ACO2: variants seen among roughly 807,000 people sequenced by gnomAD.
ACO2 encodes the protein aconitase 2, also known as aconitate hydratase, mitochondrial.
ACO2 carries 31 observed loss-of-function variants against 84.5 expected under a neutral mutation model. That is an observed-to-expected ratio of 0.37 (90% CI 0.28 to 0.50). The LOEUF is 0.50. Among genes scored for constraint, ACO2 ranks in the 20% least tolerant of loss-of-function variants. The pLI is 0.97. For missense variants in ACO2, 685 were observed against 1,029.3 expected, an observed-to-expected ratio of 0.67 and a Z score of 4.58; for synonymous variants, 414 against 412.7, an observed-to-expected ratio of 1.00 and a Z score of -0.04.
At chr22:41,494,027 C>T (rs890674918) in intron 1 of ACO2, among the ~76,000 whole-genome samples, 1 of 152,204 alleles carries the variant, frequency 6.6e-6, no homozygotes, top group Non-Finnish European at 1.5e-5. Flanking sequence ...CCAGACAGCA[C>T]AGATCTAGAA....
chr22:41,490,956 C>A (rs2066267523), intron 1 of ACO2, among the ~76,000 whole-genome samples: 2 of 151,712 alleles, frequency 1.3e-5, no homozygotes, highest in African/African-American at 4.8e-5. Flanking sequence ...AGCTTACAGA[C>A]TAAAATATTT....
intron 2 of ACO2, among the ~76,000 whole-genome samples, chr22:41,504,578 C>T (rs12166976): frequency 1.1e-3 from 171 of 152,278 alleles, no homozygotes; most frequent in African/African-American, 4.0e-3. Flanking sequence ...TGAGTCATTG[C>T]CCGTACACCA....
chr22:41,475,560 G>T (rs780056891), intron 1 of ACO2, among the ~76,000 whole-genome samples: 1 of 152,088 alleles, frequency 6.6e-6, no homozygotes, highest in Non-Finnish European at 1.5e-5. Flanking sequence ...TCAGCATGAA[G>T]GAAGGAAGGT....
At chr22:41,528,132 A>C in intron 17 of ACO2, 110 bp downstream of exon 17, 1 of 1,503,376 alleles carries the variant, frequency 6.7e-7, no homozygotes, top group Non-Finnish European at 9.0e-7. Flanking sequence ...TTCCAGCTGG[A>C]AAGGCCCCCA....
intron 12 of ACO2, 129 bp from the exon 13 acceptor site, chr22:41,524,717 C>A: frequency 1.4e-6 from 2 of 1,441,248 alleles, no homozygotes; most frequent in South Asian, 2.5e-5. Flanking sequence ...CTCTGAGGAA[C>A]ACAGGGGTCT....
At chr22:41,523,627 G>A (rs532871741) in intron 11 of ACO2, among the ~76,000 whole-genome samples, 4 of 152,306 alleles carry the variant, frequency 2.6e-5, no homozygotes, top group African/African-American at 9.6e-5. Flanking sequence ...CTTACGTGTG[G>A]TTGCAGGCTG....
Position 41,500,676 on chromosome 22 carries a change from C to T in ACO2, c.173+814C>T, listed in dbSNP as rs572566925. Among the ~76,000 whole-genome samples the T allele has an allele frequency of 6.6e-5, 10 of 151,812 alleles. No homozygotes were observed. The East Asian group carries it at 1.2e-3, about 18-fold the overall frequency. On this transcript the variant is annotated intron_variant, in intron 2 of 17. Coordinates refer to ENST00000216254, the MANE Select transcript of ACO2 (RefSeq NM_001098.3). ...CTGGGATTATAGACGTAAGCCACTG[C>T]GCCTGGCCTATTTTATTTTATGATT...
rs530987596 is a variant in ACO2, at chr22:41,489,238, C to T, written c.37-10488C>T. Among the ~76,000 whole-genome samples the T allele has an allele frequency of 5.3e-5, 8 of 152,224 alleles. No individual in the cohort carries two copies. The East Asian group carries it at 1.5e-3, about 29-fold the overall frequency. On this transcript the variant is annotated intron_variant, in intron 1 of 17. Transcript: ENST00000216254. ...TGTTTATCCTTTGTGGAGACAGGGT[C>T]TCACTGTGTTGTCCAGGCTGGTCTC...
At chr22:41,478,978 G>A (rs975240244) in intron 1 of ACO2, among the ~76,000 whole-genome samples, 1 of 152,048 alleles carries the variant, frequency 6.6e-6, no homozygotes, top group Non-Finnish European at 1.5e-5. Flanking sequence ...TTGTAGCCGG[G>A]CTCCTTGACC....
chr22:41,512,032 G>C (rs774080081), intron 4 of ACO2, 64 bp downstream of exon 4: 8 of 1,362,926 alleles, frequency 5.9e-6, no homozygotes, highest in Non-Finnish European at 8.0e-6. Flanking sequence ...CCAGGCCTAT[G>C]GGGGGAGGGG....
intron 3 of ACO2, among the ~76,000 whole-genome samples, chr22:41,510,438 C>T (rs1447774545): frequency 6.6e-6 from 1 of 152,248 alleles, no homozygotes; most frequent in Non-Finnish European, 1.5e-5. Context: ...TGGAAACCCA[C>T]GTTCTTTGCC....
intron 15 of ACO2, chr22:41,526,979 A>G (rs889213715): frequency 2.1e-6 from 1 of 465,526 alleles, no homozygotes; most frequent in Non-Finnish European, 3.9e-6. Context: ...TGGGGCCCGG[A>G]GGCCGTCCCT....
intron 8 of ACO2, 84 bp from the exon 9 acceptor site, chr22:41,520,087 G>A (rs1279914982): frequency 9.2e-6 from 11 of 1,197,584 alleles, no homozygotes; most frequent in African/African-American, 1.5e-5. Context: ...CTGTGGGGAC[G>A]TGGTGAGGCA....
Position 41,515,396 on chromosome 22 carries a change from C to T in ACO2, c.545C>T (p.Ala182Val), listed in dbSNP as rs772744686. Residue 182 changes from alanine to valine, a missense_variant, in exon 5 of 18, where the codon GCG (alanine) becomes GTG (valine). Around this residue, in one of 5 missense-constraint regions of ACO2, gnomAD observed 92 missense variants for 203.7 expected, o/e 0.45. Transcript: ENST00000216254. The surrounding 1 kb of genome is among the most constrained non-coding windows in gnomAD (Gnocchi z 5.8). ...TTTCAGATTATTCTGGAAAACTATG[C>T]GTACCCTGGTGTTCTTCTGATTGGC... The part of the protein sequence containing the change: ...IIHQIILENY[A>V]YPGVLLIGTD... 17 of 1,612,756 alleles carry T rather than the reference C, an allele frequency of 1.1e-5. No homozygotes were observed. Among genetic ancestry groups the T allele is most frequent in the African/African-American group, 9.3e-5 (7 of 74,882 alleles).
At chr22:41,490,241 G>A (rs1241460810) in intron 1 of ACO2, among the ~76,000 whole-genome samples, 3 of 152,050 alleles carry the variant, frequency 2.0e-5, no homozygotes, top group South Asian at 2.1e-4. Flanking sequence ...CAGGAGAATC[G>A]CTTAAACCCG....
intron 1 of ACO2, among the ~76,000 whole-genome samples, chr22:41,473,146 A>G (rs1251597347): frequency 6.6e-6 from 1 of 152,200 alleles, no homozygotes; most frequent in East Asian, 1.9e-4. Context: ...GAGGGAACAG[A>G]CACACCATCC....
At position 41,515,255 on chromosome 22, in the gene ACO2, T is replaced by C; in HGVS notation, c.526-122T>C. The C allele has an allele frequency of 8.4e-7, 1 of 1,191,186 alleles. No individual in the cohort carries two copies. The highest frequency in any genetic ancestry group is 1.2e-6 in the Non-Finnish European group (1 of 813,250). The allele number at this position is 1,191,186 out of a possible 1,614,324, so 73.8% of individuals were successfully genotyped here. ...GACGGCCTGGATTAAATGGGGCTGC[T>C]CCTACCAGTTCCATCCTGGGAGAGT... On this transcript the variant is annotated intron_variant, in intron 4 of 17. Transcript: ENST00000216254. This position sits in a 1 kb window ranked among gnomAD's most constrained non-coding sequence, Gnocchi z 5.8.
At chr22:41,483,646 G>A (rs1456618309) in intron 1 of ACO2, among the ~76,000 whole-genome samples, 2 of 149,916 alleles carry the variant, frequency 1.3e-5, no homozygotes, top group Non-Finnish European at 3.0e-5. Context: ...GACAGAGTGA[G>A]ACTCCGTCTT....
intron 9 of ACO2, among the ~76,000 whole-genome samples, chr22:41,522,214 T>G (rs2066532516): frequency 6.6e-6 from 1 of 152,030 alleles, no homozygotes; most frequent in African/African-American, 2.4e-5. Context: ...CACCTGTGGG[T>G]CCCAGCTACT....
Sources: allele counts gnomAD v4.1 joint callset (sites outside exome capture counted in the v4.1 genomes callset), GRCh38; gene constraint gnomAD v4.1.1; regional missense constraint gnomAD v4.1.1; non-coding constraint Gnocchi (gnomAD v3.1); transcripts MANE v1.5; gene names NCBI Gene and HGNC (gene_info 2026-07-23, HGNC 2026-07-21).